The following TMEM108 variants were observed in gnomAD, a reference collection of about 807,000 sequenced individuals.
TMEM108 encodes the protein transmembrane protein 108.
Under a neutral mutation model 35.1 loss-of-function variants are expected in TMEM108, and 12 were observed. The ratio of observed to expected loss-of-function variants is 0.34; its 90% CI spans 0.22 to 0.55. TMEM108 has a LOEUF of 0.55. Ranked by LOEUF, TMEM108 falls within the 20% of genes least tolerant of loss-of-function variation. The pLI is 0.89. For synonymous variants in TMEM108, 287 were observed against 308.6 expected (o/e 0.93, Z 0.73); for missense variants, 680 against 753.3 (o/e 0.90, Z 1.14).
intron 3 of TMEM108, among the ~76,000 whole-genome samples, chr3:133,262,293 C>G (rs1466223475): frequency 6.6e-6 from 1 of 152,192 alleles, no homozygotes; most frequent in African/African-American, 2.4e-5. Context: ...CTCAGTGGAT[C>G]TGTTTCAACA....
intron 2 of TMEM108, among the ~76,000 whole-genome samples, chr3:133,094,415 T>G (rs1943987519): frequency 6.6e-6 from 1 of 152,100 alleles, no homozygotes; most frequent in Non-Finnish European, 1.5e-5. Flanking sequence ...AAATGAGGAC[T>G]TAGGTCACAG....
intron 3 of TMEM108, among the ~76,000 whole-genome samples, chr3:133,240,437 C>A (rs1295809082): frequency 6.6e-6 from 1 of 152,064 alleles, no homozygotes; most frequent in African/African-American, 2.4e-5. Flanking sequence ...TAAACAATGC[C>A]AATGGGGACT....
intron 2 of TMEM108, among the ~76,000 whole-genome samples, chr3:133,191,378 TCTC>T (rs1055104268): frequency 2.0e-5 from 3 of 152,188 alleles, no homozygotes; most frequent in South Asian, 4.1e-4. Context: ...ATAAGCCCCT[TCTC>T]CTCTGAAGTT....
rs1043458187 is a variant in TMEM108, at chr3:133,138,479, A to G, written c.-46-90787A>G. Among the ~76,000 whole-genome samples, 82 of 152,204 alleles carry G rather than the reference A, an allele frequency of 5.4e-4. 1 individual carries two copies. Among genetic ancestry groups the G allele is most frequent in the Admixed American group, 5.2e-3 (79 of 15,278 alleles). The stretch of plus-strand genomic sequence containing the variant: ...CCAACACAAATCCATAAACTTTCTT[A>G]AAACATTATGAGATTTTTTTGTGTG... On this transcript the variant is annotated intron_variant, in intron 2 of 5. Transcript: ENST00000321871.
In TMEM108 at chr3:133,380,848, A is replaced by G; in HGVS notation, c.1137A>G (p.Ala379=). 1 of 1,614,128 alleles carries G rather than the reference A, an allele frequency of 6.2e-7. No homozygotes were observed. Among genetic ancestry groups the G allele is most frequent in the Non-Finnish European group, 8.5e-7 (1 of 1,180,008 alleles). The change falls in exon 4 of 6, where the codon GCA becomes GCG. Residue 379 remains alanine (A), a synonymous_variant. Coordinates refer to ENST00000321871, the MANE Select transcript of TMEM108 (RefSeq NM_023943.4). The surrounding 1 kb of genome is among the most constrained non-coding windows in gnomAD (Gnocchi z 5.3). ...SAPSQGIPQG[A]STTPQAPTHP... The stretch of plus-strand genomic sequence containing the variant: ...CTTCCCAGGGGATTCCTCAGGGAGC[A>G]TCCACAACCCCACAAGCTCCAACCC...
chr3:133,226,636 T>G (rs1946075459), intron 2 of TMEM108, among the ~76,000 whole-genome samples: 1 of 152,124 alleles, frequency 6.6e-6, no homozygotes, highest in Non-Finnish European at 1.5e-5. Flanking sequence ...TGAGCTAGTT[T>G]TTCAGGTTTC....
At chr3:133,061,242 C>T (rs1233973186) in intron 2 of TMEM108, among the ~76,000 whole-genome samples, 4 of 139,000 alleles carry the variant, frequency 2.9e-5, no homozygotes, top group Non-Finnish European at 6.1e-5. Context: ...GACAGAGTCT[C>T]ACTCTGTCGC....
chr3:133,169,806 T>G (rs1483160211), intron 2 of TMEM108, among the ~76,000 whole-genome samples: 1 of 152,154 alleles, frequency 6.6e-6, no homozygotes, highest in African/African-American at 2.4e-5. Context: ...GAAAAAGCAA[T>G]TATCTATCAA....
intron 2 of TMEM108, among the ~76,000 whole-genome samples, chr3:133,182,009 A>G (rs1194923946): frequency 4.6e-5 from 7 of 152,208 alleles, no homozygotes; most frequent in African/African-American, 1.4e-4. Flanking sequence ...GCCTTTGGCA[A>G]TAATCTTTGC....
chr3:133,053,976 G>A (rs9862009), intron 2 of TMEM108, among the ~76,000 whole-genome samples: 59,803 of 151,940 alleles, frequency 0.39, 12,487 homozygotes, highest in Admixed American at 0.5. Flanking sequence ...TAGAGCTGCT[G>A]ATGCTCTCTC....
Position 133,209,322 on chromosome 3 carries a change from G to A in TMEM108, c.-46-19944G>A, listed in dbSNP as rs148360538. Reference sequence around the variant, plus strand: ...TCCAAAGACCTGGGATTATAGGCATGAGCCACCATGCCTGCCCCATTTTCT... The same window carrying A: ...TCCAAAGACCTGGGATTATAGGCATAAGCCACCATGCCTGCCCCATTTTCT... On this transcript the variant is annotated intron_variant, in intron 2 of 5. Transcript: ENST00000321871. Among the ~76,000 whole-genome samples the A allele has an allele frequency of 1.9e-3, 293 of 152,192 alleles. 1 individual carries two copies. The highest frequency in any genetic ancestry group is 3.3e-3 in the Non-Finnish European group (225 of 67,998).
intron 2 of TMEM108, among the ~76,000 whole-genome samples, chr3:133,190,477 T>G (rs1227017853): frequency 1.3e-5 from 2 of 152,120 alleles, no homozygotes; most frequent in African/African-American, 4.8e-5. Flanking sequence ...AAGGAGGAGG[T>G]AATTAAATTA....
intron 2 of TMEM108, among the ~76,000 whole-genome samples, chr3:133,189,414 T>G (rs978633475): frequency 2.0e-5 from 3 of 152,208 alleles, no homozygotes; most frequent in African/African-American, 4.8e-5. Flanking sequence ...CTGTTCATTA[T>G]ATACACATGG....
chr3:133,309,678 G>GTTTTTTTTTTTTTT (rs2071094778), intron 3 of TMEM108, among the ~76,000 whole-genome samples: 1 of 110,984 alleles, frequency 9.0e-6, no homozygotes, highest in Non-Finnish European at 1.9e-5. Flanking sequence ...GTTTGAGTGA[G>GTTTTTTTTTTTTTT]TTTCTTTTTT....
At position 133,062,576 on chromosome 3, in the gene TMEM108, T is replaced by C. The variant is rs146535911; in HGVS notation, c.-47+16556T>C. ...ATTCTAACCCAGGACACAAACTGCC[T>C]TTGAAATCTGAAGTAAATCTCATAT... is the stretch of plus-strand genomic sequence containing the variant. On this transcript the variant is annotated intron_variant, in intron 2 of 5. Coordinates refer to ENST00000321871, the MANE Select transcript of TMEM108 (RefSeq NM_023943.4). 1.3e-3 allele frequency among the ~76,000 whole-genome samples: 205 copies of C among 152,382 alleles called. 1 individual carries two copies. The highest frequency in any genetic ancestry group is 2.9e-3 in the Admixed American group (45 of 15,308).
intron 3 of TMEM108, among the ~76,000 whole-genome samples, chr3:133,315,708 G>A (rs968799618): frequency 1.3e-5 from 2 of 152,236 alleles, no homozygotes; most frequent in Non-Finnish European, 2.9e-5. Flanking sequence ...CAGAAATAAA[G>A]ACCAACGAAG....
At chr3:133,354,416 T>C (rs2072099918) in intron 3 of TMEM108, among the ~76,000 whole-genome samples, 1 of 152,206 alleles carries the variant, frequency 6.6e-6, no homozygotes, top group Non-Finnish European at 1.5e-5. Context: ...AATGGTGAGC[T>C]GACATCTAGA....
intron 3 of TMEM108, among the ~76,000 whole-genome samples, chr3:133,297,236 A>G (rs1221142368): frequency 6.6e-6 from 1 of 152,202 alleles, no homozygotes; most frequent in African/African-American, 2.4e-5. Context: ...CCTGAGACAG[A>G]TGTCAGGGTA....
intron 2 of TMEM108, among the ~76,000 whole-genome samples, chr3:133,135,157 G>GT (rs77437437): frequency 0.069 from 9,768 of 142,530 alleles, 372 homozygotes; most frequent in Non-Finnish European, 0.083. Context: ...ATCTGCTATC[G>GT]TTTTTTTTTT....
Sources: allele counts gnomAD v4.1 joint callset (sites outside exome capture counted in the v4.1 genomes callset), GRCh38; gene constraint gnomAD v4.1.1; non-coding constraint Gnocchi (gnomAD v3.1); transcripts MANE v1.5; gene names NCBI Gene and HGNC (gene_info 2026-07-23, HGNC 2026-07-21).